SLCO6A1: variants seen among roughly 807,000 people sequenced by gnomAD.
SLCO6A1 encodes the protein cancer/testis antigen 48.
A neutral mutation model predicts 72.7 loss-of-function variants in SLCO6A1; 65 were observed. The observed-to-expected ratio is 0.89, with a 90% CI of 0.73 to 1.10. SLCO6A1 has a LOEUF of 1.10. SLCO6A1 is among the 50% of genes least tolerant of loss of function. SLCO6A1 has a pLI of 0.00. For missense variants in SLCO6A1, 874 were observed against 872.6 expected, an observed-to-expected ratio of 1.00 and a Z score of -0.02; for synonymous variants, 314 against 298.2, an observed-to-expected ratio of 1.05 and a Z score of -0.55.
In SLCO6A1 at chr5:102,413,064, C is replaced by T. The variant is rs750555313; in HGVS notation, c.1552G>A (p.Gly518Arg). The stretch of plus-strand genomic sequence containing the variant: ...GAAAAATATTCAATATCATCTCTTC[C>T]ACATATAGAAGAATAAATTGAAGAT... ...CSSSIYSSIC[G>R]RDDIEYFSPC... Residue 518 changes from glycine to arginine, a missense_variant, in exon 9 of 14, where the codon GGA becomes AGA. Gly to Arg is a moderately radical substitution (Grantham distance 125, BLOSUM62 -2). Coordinates refer to ENST00000506729, the MANE Select transcript of SLCO6A1 (RefSeq NM_173488.5). 4 of 1,575,674 alleles carry T rather than the reference C, an allele frequency of 2.5e-6. No individual in the cohort carries two copies. Among genetic ancestry groups the T allele is most frequent in the Non-Finnish European group, 3.4e-6 (4 of 1,165,636 alleles).
intron 12 of SLCO6A1, among the ~76,000 whole-genome samples, chr5:102,378,500 G>C (rs569337779): frequency 6.6e-6 from 1 of 152,196 alleles, no homozygotes; most frequent in African/African-American, 2.4e-5. Flanking sequence ...AATATTGTTA[G>C]CACCCTGGCA....
At chr5:102,498,427 G>C in intron 1 of SLCO6A1, 60 bp downstream of exon 1, 1 of 1,506,124 alleles carries the variant, frequency 6.6e-7, no homozygotes, top group Non-Finnish European at 9.0e-7. Flanking sequence ...TCCCTCTCCC[G>C]CCTCCGCCAG....
intron 7 of SLCO6A1, among the ~76,000 whole-genome samples, chr5:102,422,527 G>C (rs780445525): frequency 2.0e-5 from 3 of 152,064 alleles, no homozygotes; most frequent in Non-Finnish European, 4.4e-5. Context: ...GGATATCAGA[G>C]ATTAAAGATC....
chr5:102,402,295 C>G (rs1327264263), intron 9 of SLCO6A1, among the ~76,000 whole-genome samples: 2 of 152,052 alleles, frequency 1.3e-5, no homozygotes, highest in African/African-American at 4.8e-5. Context: ...AGATTACTAA[C>G]CACTGTATTA....
At chr5:102,421,027 C>A (rs1748567187) in intron 7 of SLCO6A1, among the ~76,000 whole-genome samples, 1 of 152,068 alleles carries the variant, frequency 6.6e-6, no homozygotes, top group South Asian at 2.1e-4. Flanking sequence ...TGGGGAACTC[C>A]CTCCCCTAGC....
rs1474363967 is a variant in SLCO6A1 at position 102,399,609 on chromosome 5, G to A, written c.1760C>T (p.Ser587Phe). 4.4e-6 allele frequency: 7 copies of A among 1,603,582 alleles called. No homozygotes were observed. The highest frequency in any genetic ancestry group is 5.1e-6 in the Non-Finnish European group (6 of 1,173,404). The change falls in exon 10 of 14, where the codon TCT becomes TTT. Residue 587 changes from serine (S) to phenylalanine (F), a missense_variant. Ser to Phe is a radical substitution (Grantham distance 155). Transcript: ENST00000506729. ...KLPLFIAFIFSTLIFSGFSGV... is the reference protein window; with the variant it reads ...KLPLFIAFIFFTLIFSGFSGV... Reference sequence around the variant, plus strand: ...AGAAAAACCAGAAAATATAAGTGTAGAAAAGATAAAAGCAATGAACAAAGG... The same window carrying A: ...AGAAAAACCAGAAAATATAAGTGTAAAAAAGATAAAAGCAATGAACAAAGG...
At chr5:102,497,741 T>A (rs968583021) in intron 1 of SLCO6A1, among the ~76,000 whole-genome samples, 3 of 152,218 alleles carry the variant, frequency 2.0e-5, no homozygotes, top group African/African-American at 7.2e-5. Context: ...TTTCACAGTT[T>A]GACTCTGAAA....
rs184791307 is a variant in SLCO6A1 at position 102,469,713 on chromosome 5, G to C, written c.899+5984C>G. ...ATACTATGTTGAATAGGAGTGGTGA[G>C]AGAGGGCATCCTTGTCTTGTGCCGG... On this transcript the variant is annotated intron_variant, in intron 4 of 13. Coordinates refer to ENST00000506729, the MANE Select transcript of SLCO6A1 (RefSeq NM_173488.5). Among the ~76,000 whole-genome samples, 317 of 152,284 alleles carry C rather than the reference G, an allele frequency of 2.1e-3. 3 individuals carry two copies. The highest frequency in any genetic ancestry group is 7.2e-3 in the African/African-American group (301 of 41,560).
At chr5:102,495,863 C>CA (rs1397010114) in intron 1 of SLCO6A1, among the ~76,000 whole-genome samples, 1 of 151,842 alleles carries the variant, frequency 6.6e-6, no homozygotes, top group Non-Finnish European at 1.5e-5. Flanking sequence ...TCCTGCACTA[C>CA]AAAAAAACCA....
chr5:102,466,656 C>T lies in SLCO6A1; in HGVS notation c.900-6879G>A, dbSNP rs529699267. Among the ~76,000 whole-genome samples, 20 of 152,114 alleles carry T rather than the reference C, an allele frequency of 1.3e-4. No homozygotes were observed. In the South Asian group the frequency reaches 4.2e-3, roughly 32 times the overall value. On this transcript the variant is annotated intron_variant, in intron 4 of 13. Coordinates refer to ENST00000506729, the MANE Select transcript of SLCO6A1 (RefSeq NM_173488.5). ...CTCCCACCAAGAGTGTAAAAGAGTTCCTTTTCTCCACAGCCTCACCAGCTT... is the reference window on the plus strand; with the variant it reads ...CTCCCACCAAGAGTGTAAAAGAGTTTCTTTTCTCCACAGCCTCACCAGCTT...
chr5:102,387,601 G>A (rs1746486495), intron 12 of SLCO6A1, among the ~76,000 whole-genome samples: 1 of 152,120 alleles, frequency 6.6e-6, no homozygotes, highest in East Asian at 1.9e-4. Flanking sequence ...TGTAGGTCAA[G>A]CTTGCTGAAT....
At chr5:102,456,379 C>A (rs1750717010) in intron 6 of SLCO6A1, among the ~76,000 whole-genome samples, 1 of 152,128 alleles carries the variant, frequency 6.6e-6, no homozygotes, top group Non-Finnish European at 1.5e-5. Context: ...CCCAAAATCT[C>A]CTTAAGCTGA....
chr5:102,404,695 T>C (rs903443966), intron 9 of SLCO6A1, among the ~76,000 whole-genome samples: 1 of 152,178 alleles, frequency 6.6e-6, no homozygotes, highest in African/African-American at 2.4e-5. Flanking sequence ...AAACTTGGTA[T>C]TACTATAATG....
chr5:102,405,457 A>C (rs1747621339), intron 9 of SLCO6A1, among the ~76,000 whole-genome samples: 1 of 152,082 alleles, frequency 6.6e-6, no homozygotes, highest in African/African-American at 2.4e-5. Flanking sequence ...TATACAAGTA[A>C]ATCAATTATT....
chr5:102,463,970 A>T (rs1339872006), intron 4 of SLCO6A1, among the ~76,000 whole-genome samples: 1 of 152,100 alleles, frequency 6.6e-6, no homozygotes, highest in African/African-American at 2.4e-5. Flanking sequence ...GTTCTCACTC[A>T]TTAGTGGGAG....
At position 102,454,278 on chromosome 5, in the gene SLCO6A1, A is replaced by T. The variant is rs145398841; in HGVS notation, c.1131+4104T>A. On this transcript the variant is annotated intron_variant, in intron 6 of 13. Coordinates refer to ENST00000506729, the MANE Select transcript of SLCO6A1 (RefSeq NM_173488.5). ...AAGACATGGAGGGTAGGGAGGAAAG[A>T]AAAGACAATGGATGCAGTCCCAAAT... Among the ~76,000 whole-genome samples, 1,238 of 152,322 alleles carry T rather than the reference A, an allele frequency of 8.1e-3. 12 individuals carry two copies. Among genetic ancestry groups the T allele is most frequent in the Non-Finnish European group, 0.015 (1,008 of 68,030 alleles).
chr5:102,424,938 A>C (rs1021989047), intron 7 of SLCO6A1, among the ~76,000 whole-genome samples: 5 of 152,208 alleles, frequency 3.3e-5, no homozygotes, highest in African/African-American at 9.6e-5. Flanking sequence ...AGTCATCTTC[A>C]TTCCTGGGAT....
intron 6 of SLCO6A1, among the ~76,000 whole-genome samples, chr5:102,446,424 C>G (rs541753784): frequency 6.6e-6 from 1 of 151,950 alleles, no homozygotes; most frequent in Non-Finnish European, 1.5e-5. Context: ...GATTTTGTAC[C>G]CTGAAACTTT....
chr5:102,449,392 A>AT (rs60760058), intron 6 of SLCO6A1, among the ~76,000 whole-genome samples: 93,211 of 148,042 alleles, frequency 0.63, 29,204 homozygotes, highest in Non-Finnish European at 0.64. Context: ...GAATTTCCTG[A>AT]TTTTTTTTTT....
Sources: gnomAD v4.1 joint callset for allele counts (sites outside exome capture counted in the v4.1 genomes callset) on GRCh38, gnomAD v4.1.1 for gene constraint, MANE v1.5 for transcripts, NCBI Gene and HGNC (gene_info 2026-07-23, HGNC 2026-07-21) for gene names.